Variants in XYLB observed in about 807,000 individuals in gnomAD.
The protein encoded by XYLB is xylulose kinase.
In XYLB, 62 loss-of-function variants were observed where a neutral mutation model predicts 78.7. The ratio of observed to expected loss-of-function variants is 0.79; its 90% confidence interval spans 0.64 to 0.97. XYLB has a LOEUF of 0.97. Ranked by LOEUF, XYLB falls within the 50% of genes least tolerant of loss-of-function variation. The pLI, the probability that XYLB is intolerant of heterozygous loss-of-function variation, is 0.00. For missense variants in XYLB, 687 were observed against 676.8 expected (o/e 1.02, Z -0.17); for synonymous variants, 245 against 247.4 (o/e 0.99, Z 0.09).
the XYLB span, among the ~76,000 whole-genome samples, chr3:38,445,554 G>A: frequency 6.6e-6 from 1 of 152,228 alleles, no homozygotes; most frequent in African/African-American, 2.4e-5. Flanking sequence ...AGATGGGCAA[G>A]TGTTGCTTGG....
At chr3:38,395,679 T>C (rs1707842373) in intron 16 of XYLB, 116 bp downstream of exon 16, 9 of 1,105,066 alleles carry the variant, frequency 8.1e-6, no homozygotes, top group Non-Finnish European at 1.2e-5. Context: ...AATGGGGAGC[T>C]CTTAGCTCAC....
chr3:38,412,126 G>T (rs1385114085), intron 18 of XYLB, among the ~76,000 whole-genome samples: 12 of 152,014 alleles, frequency 7.9e-5, no homozygotes, highest in Admixed American at 7.9e-4. Context: ...GAGTAGTTGG[G>T]ATTACAGGCA....
intron 1 of XYLB, among the ~76,000 whole-genome samples, chr3:38,347,801 C>T: frequency 6.6e-6 from 1 of 152,268 alleles, no homozygotes; most frequent in East Asian, 1.9e-4. Context: ...GAGCAGTGTG[C>T]TGCTGCCAAC....
chr3:38,357,512 T>G (rs1294022097), intron 2 of XYLB, among the ~76,000 whole-genome samples: 1 of 151,832 alleles, frequency 6.6e-6, no homozygotes, highest in Non-Finnish European at 1.5e-5. Context: ...TCAGCCTCCC[T>G]AGTAGCTGGA....
chr3:38,412,972 G>C lies in XYLB; in HGVS notation c.1570G>C (p.Glu524Gln), dbSNP rs1179648248. ...EALLPQYAKL[E>Q]QRILSQTRGP... ...CCTTCTCCCCCAGTATGCCAAACTC[G>C]AGCAGAGAATCTTGTCTCAGACCCG... Residue 524 changes from glutamate to glutamine, a missense_variant, in exon 19 of 19, where the codon GAG becomes CAG. Glu to Gln is a conservative substitution (Grantham distance 29). Transcript: ENST00000207870. 1 of 1,605,310 alleles carries C rather than the reference G, an allele frequency of 6.2e-7. No individual in the cohort carries two copies. The highest frequency in any genetic ancestry group is 1.3e-5 in the African/African-American group (1 of 74,328).
chr3:38,436,645 T>G, the XYLB span, among the ~76,000 whole-genome samples: 1 of 152,198 alleles, frequency 6.6e-6, no homozygotes, highest in African/African-American at 2.4e-5. Flanking sequence ...GTATATCTGA[T>G]GAACATTAAT....
the XYLB span, among the ~76,000 whole-genome samples, chr3:38,433,116 C>A: frequency 6.6e-6 from 1 of 152,242 alleles, no homozygotes; most frequent in Non-Finnish European, 1.5e-5. Flanking sequence ...AACCTCAATT[C>A]TTTACTTCTC....
chr3:38,430,484 A>T, the XYLB span, among the ~76,000 whole-genome samples: 5 of 151,842 alleles, frequency 3.3e-5, no homozygotes, highest in African/African-American at 1.2e-4. Context: ...GATTGCAAAA[A>T]TTTTCTCCCA....
intron 18 of XYLB, among the ~76,000 whole-genome samples, chr3:38,410,770 A>C (rs1426035978): frequency 6.6e-6 from 1 of 152,092 alleles, no homozygotes; most frequent in African/African-American, 2.4e-5. Context: ...GCCAAAAGAC[A>C]CATGAAAAAA....
rs746737279 is a variant in XYLB at position 38,376,894 on chromosome 3, G to A, written c.1121-24G>A. 3.1e-6 allele frequency: 5 copies of A among 1,602,302 alleles called. No individual in the cohort carries two copies. In the East Asian group the frequency reaches 1.1e-4, roughly 36 times the overall value. On this transcript the variant is annotated intron_variant, in intron 13 of 18. Coordinates refer to ENST00000207870, the MANE Select transcript of XYLB (RefSeq NM_005108.4). ...TTTTGTTTTTTGACTAATGACGGCTGATCTCTTCCTGGTTTTATTTCAGGT... is the reference window on the plus strand; with the variant it reads ...TTTTGTTTTTTGACTAATGACGGCTAATCTCTTCCTGGTTTTATTTCAGGT...
At chr3:38,445,009 G>C in the XYLB span, among the ~76,000 whole-genome samples, 1 of 152,236 alleles carries the variant, frequency 6.6e-6, no homozygotes, top group Non-Finnish European at 1.5e-5. Context: ...AGAGGACCAA[G>C]AAAAATCAGG....
chr3:38,421,808 C>T (rs755796964), downstream of XYLB, among the ~76,000 whole-genome samples: 1 of 152,096 alleles, frequency 6.6e-6, no homozygotes, highest in African/African-American at 2.4e-5. Context: ...CCCTCTACAC[C>T]CCCTCATTAT....
the XYLB span, among the ~76,000 whole-genome samples, chr3:38,430,199 A>G: frequency 5.3e-5 from 8 of 152,276 alleles, no homozygotes; most frequent in African/African-American, 1.2e-4. Context: ...CTATTTCTCT[A>G]CATCCTCTCC....
downstream of XYLB, among the ~76,000 whole-genome samples, chr3:38,418,194 CAAAAA>C (rs56163697): frequency 4.5e-3 from 476 of 106,830 alleles, no homozygotes; most frequent in African/African-American, 0.012. Flanking sequence ...GACTCTGTCT[CAAAAA>C]AAAAAAAAAA....
At chr3:38,435,072 A>T in the XYLB span, among the ~76,000 whole-genome samples, 3 of 151,762 alleles carry the variant, frequency 2.0e-5, no homozygotes, top group African/African-American at 4.8e-5. Context: ...GGAGGCAGAG[A>T]TTGCAGTGAG....
At chr3:38,354,936 T>G (rs1705567211) in intron 2 of XYLB, among the ~76,000 whole-genome samples, 1 of 152,262 alleles carries the variant, frequency 6.6e-6, no homozygotes, top group African/African-American at 2.4e-5. Flanking sequence ...TTCTTTTGAA[T>G]ACTTCACATG....
At chr3:38,402,632 T>G (rs1380270881) in intron 18 of XYLB, among the ~76,000 whole-genome samples, 27 of 152,244 alleles carry the variant, frequency 1.8e-4, no homozygotes, top group Non-Finnish European at 1.5e-5. Context: ...CAGCACTCCT[T>G]GTCTCCAGAC....
At chr3:38,358,374 G>A (rs937181136) in intron 2 of XYLB, among the ~76,000 whole-genome samples, 4 of 109,946 alleles carry the variant, frequency 3.6e-5, no homozygotes, top group Non-Finnish European at 7.3e-5. Context: ...ACAGAGCCTT[G>A]CTCTGTTGCA....
chr3:38,410,723 C>T (rs1467064844), intron 18 of XYLB, among the ~76,000 whole-genome samples: 4 of 151,966 alleles, frequency 2.6e-5, no homozygotes, highest in African/African-American at 4.8e-5. Context: ...GGGTGAAGGA[C>T]ATGAACAGAC....
Sources: allele counts gnomAD v4.1 joint callset (sites outside exome capture counted in the v4.1 genomes callset), GRCh38; gene constraint gnomAD v4.1.1; transcripts MANE v1.5; gene names NCBI Gene and HGNC (gene_info 2026-07-23, HGNC 2026-07-21).